Variants in CALN1 observed in about 807,000 individuals in gnomAD.
The protein encoded by CALN1 is calcium-binding protein 8.
CALN1 carries 17 observed loss-of-function variants against 30.6 expected under a neutral mutation model. That is an observed-to-expected ratio of 0.56 (90% confidence interval 0.38 to 0.83). CALN1 has a LOEUF of 0.83. CALN1 is among the 40% of genes least tolerant of loss of function. The probability of loss-of-function intolerance (pLI) is 0.00; values close to 1 mark genes in which losing one functional copy is unlikely to be tolerated. For synonymous variants in CALN1, 156 were observed against 131.4 expected (o/e 1.19, Z -1.28); for missense variants, 291 against 354.9 (o/e 0.82, Z 1.45).
At chr7:71,972,772 C>T (rs1327697452) in intron 5 of CALN1, among the ~76,000 whole-genome samples, 3 of 152,178 alleles carry the variant, frequency 2.0e-5, no homozygotes, top group African/African-American at 4.8e-5. Context: ...TTAAGCTCCC[C>T]TCATTTGATT....
chr7:72,388,598 TGC>T, intron 2 of CALN1, among the ~76,000 whole-genome samples: 1 of 152,352 alleles, frequency 6.6e-6, no homozygotes. Flanking sequence ...GCAATGTTTC[TGC>T]AAATTCAAAA....
intron 3 of CALN1, among the ~76,000 whole-genome samples, chr7:72,141,917 G>C (rs1176406535): frequency 3.3e-5 from 5 of 152,132 alleles, no homozygotes; most frequent in East Asian, 3.9e-4. Context: ...CATGAGGCTT[G>C]ATTACACCTG....
At chr7:72,135,165 T>C (rs1343503259) in intron 3 of CALN1, among the ~76,000 whole-genome samples, 2 of 152,182 alleles carry the variant, frequency 1.3e-5, no homozygotes, top group Admixed American at 6.5e-5. Context: ...CTTGAACCCC[T>C]CAACATCATC....
intron 4 of CALN1, among the ~76,000 whole-genome samples, chr7:72,055,086 T>G (rs1328943644): frequency 6.6e-6 from 1 of 152,198 alleles, no homozygotes; most frequent in East Asian, 1.9e-4. Context: ...GAGCATTTTT[T>G]ATCTGCCAGG....
In CALN1 at chr7:72,243,972, T is replaced by C. The variant is rs189371433; in HGVS notation, c.244+34714A>G. 2.5e-3 allele frequency among the ~76,000 whole-genome samples: 380 copies of C among 152,364 alleles called. 3 individuals carry two copies. Among genetic ancestry groups the C allele is most frequent in the African/African-American group, 8.6e-3 (356 of 41,582 alleles). On this transcript the variant is annotated intron_variant, in intron 3 of 6. Coordinates refer to ENST00000395275, the MANE Select transcript of CALN1 (RefSeq NM_031468.4). ...TGTTCTACCTCTATCTACCGTACAA[T>C]GGTCTTTCCAGGAGCTACTGTCAAG...
chr7:72,092,324 T>A (rs1805921284), intron 4 of CALN1, among the ~76,000 whole-genome samples: 1 of 152,142 alleles, frequency 6.6e-6, no homozygotes. Context: ...TTCTTTACGA[T>A]TTAATTAGGT....
At chr7:72,132,755 G>T (rs1317425925) in intron 3 of CALN1, among the ~76,000 whole-genome samples, 1 of 152,108 alleles carries the variant, frequency 6.6e-6, no homozygotes, top group African/African-American at 2.4e-5. Flanking sequence ...GAGGGTATTA[G>T]CATGCAAGAC....
intron 5 of CALN1, among the ~76,000 whole-genome samples, chr7:72,010,374 C>A (rs549719794): frequency 6.6e-6 from 1 of 152,120 alleles, no homozygotes; most frequent in Non-Finnish European, 1.5e-5. Context: ...TGTTTATAAG[C>A]TACCTGGTCT....
Position 71,787,624 on chromosome 7 carries a change from G to A in CALN1, c.*151C>T. ...ATGAAGCTGAAGTGCAACCCCAGTT[G>A]CACTCAACCTTGGGTTCTTTACTGA... is the stretch of plus-strand genomic sequence containing the variant. On this transcript the variant is annotated 3_prime_UTR_variant, in exon 7 of 7. Transcript: ENST00000395275. 1 of 1,067,074 alleles carries A rather than the reference G, an allele frequency of 9.4e-7. No homozygotes were observed. The highest frequency in any genetic ancestry group is 1.3e-6 in the Non-Finnish European group (1 of 763,170). The allele number at this position is 1,067,074 out of a possible 1,614,324, so 66.1% of individuals were successfully genotyped here. A position where few individuals can be genotyped will look rare whatever the true frequency, so the allele number is the denominator to read the frequency against.
At chr7:71,901,342 A>G (rs1793834934) in intron 5 of CALN1, among the ~76,000 whole-genome samples, 1 of 152,084 alleles carries the variant, frequency 6.6e-6, no homozygotes, top group African/African-American at 2.4e-5. Flanking sequence ...AAAGCAATCC[A>G]CAGATTCAAT....
the CALN1 span, among the ~76,000 whole-genome samples, chr7:72,483,280 CTTT>C: frequency 0.11 from 11,164 of 99,940 alleles, 884 homozygotes; most frequent in African/African-American, 0.27. Context: ...TTTTCTTTTT[CTTT>C]TTTTTTTTTT....
intron 1 of CALN1, among the ~76,000 whole-genome samples, chr7:72,441,673 A>C (rs1808349039): frequency 6.6e-6 from 1 of 151,706 alleles, no homozygotes; most frequent in Admixed American, 6.6e-5. Flanking sequence ...AGGACGTAGA[A>C]TGTACAAACA....
At chr7:72,080,106 C>G (rs1404191847) in intron 4 of CALN1, among the ~76,000 whole-genome samples, 1 of 152,168 alleles carries the variant, frequency 6.6e-6, no homozygotes, top group Non-Finnish European at 1.5e-5. Flanking sequence ...GGGTGAAAAA[C>G]CCCACCTTCA....
At chr7:72,373,623 A>C (rs1013030228) in intron 2 of CALN1, among the ~76,000 whole-genome samples, 1 of 152,214 alleles carries the variant, frequency 6.6e-6, no homozygotes, top group Non-Finnish European at 1.5e-5. Context: ...TTTTAGGTAA[A>C]CTAGGCTAAG....
At chr7:72,472,396 A>T in the CALN1 span, among the ~76,000 whole-genome samples, 1 of 152,114 alleles carries the variant, frequency 6.6e-6, no homozygotes, top group East Asian at 1.9e-4. Flanking sequence ...ACACATTCCC[A>T]ACATGTCCCA....
chr7:72,311,167 C>G (rs1034887931), intron 2 of CALN1, among the ~76,000 whole-genome samples: 3 of 152,074 alleles, frequency 2.0e-5, no homozygotes, highest in African/African-American at 7.2e-5. Context: ...ATGAAGACCT[C>G]TATGATGACC....
intron 4 of CALN1, among the ~76,000 whole-genome samples, chr7:72,091,318 G>A (rs181565077): frequency 6.6e-6 from 1 of 152,302 alleles, no homozygotes; most frequent in Admixed American, 6.5e-5. Context: ...GTGACAGAGT[G>A]AGACTCCGTC....
At chr7:71,862,976 CG>C (rs1009492201) in intron 5 of CALN1, among the ~76,000 whole-genome samples, 1 of 152,226 alleles carries the variant, frequency 6.6e-6, no homozygotes, top group Admixed American at 6.5e-5. Flanking sequence ...GAAACAACAA[CG>C]GCTGGGCGTG....
intron 3 of CALN1, among the ~76,000 whole-genome samples, chr7:72,201,713 C>G (rs1791435087): frequency 6.6e-6 from 1 of 150,560 alleles, no homozygotes; most frequent in East Asian, 1.9e-4. Flanking sequence ...AACAAACATA[C>G]CCATGTACAA....
Sources: allele counts gnomAD v4.1 joint callset (sites outside exome capture counted in the v4.1 genomes callset), GRCh38; gene constraint gnomAD v4.1.1; transcripts MANE v1.5; gene names NCBI Gene and HGNC (gene_info 2026-07-23, HGNC 2026-07-21).